LYRM4: variants seen among roughly 807,000 people sequenced by gnomAD.
The protein encoded by LYRM4 is LYR motif containing 4.
LYRM4 carries 9 observed loss-of-function variants against 11.7 expected under a neutral mutation model. The observed-to-expected ratio is 0.77, with a 90% CI of 0.46 to 1.34. The LOEUF is 1.34. Ranked by LOEUF, LYRM4 falls within the 40% of genes most tolerant of loss-of-function variation. The pLI, the probability that LYRM4 is intolerant of heterozygous loss-of-function variation, is 0.00. For synonymous variants in LYRM4, 42 were observed against 40.4 expected (o/e 1.04, Z -0.15); for missense variants, 133 against 112.5 (o/e 1.18, Z -0.82).
chr6:5,181,391 G>A lies in LYRM4; in HGVS notation c.207+35227C>T, dbSNP rs77225992. 6.0e-3 allele frequency among the ~76,000 whole-genome samples: 911 copies of A among 152,220 alleles called. 11 individuals are homozygous for A. Among genetic ancestry groups the A allele is most frequent in the South Asian group, 0.044 (210 of 4,824 alleles). On this transcript the variant is annotated intron_variant, in intron 2 of 2. Transcript: ENST00000330636. ...ATGGTTTTCTACCCTGTATTGTGTC[G>A]TCAATGATTTCTTTTGCATTGGCTT... is the stretch of plus-strand genomic sequence containing the variant.
intron 1 of LYRM4, among the ~76,000 whole-genome samples, chr6:5,229,685 T>A (rs1195618077): frequency 6.6e-6 from 1 of 152,214 alleles, no homozygotes; most frequent in African/African-American, 2.4e-5. Flanking sequence ...TTGAGATAAA[T>A]ATGAAATTTA....
chr6:5,085,288 C>G, the LYRM4 span: 4 of 518,532 alleles, frequency 7.7e-6, no homozygotes, highest in Non-Finnish European at 1.3e-5. Context: ...ATCCTCCTCC[C>G]ACTTCGCCCT....
intron 2 of LYRM4, among the ~76,000 whole-genome samples, chr6:5,122,213 G>A (rs909654093): frequency 1.3e-5 from 2 of 152,108 alleles, no homozygotes; most frequent in East Asian, 1.9e-4. Flanking sequence ...ACCTTCATCC[G>A]GTGATGACTG....
chr6:5,138,805 G>T, intron 2 of LYRM4: 3 of 1,259,242 alleles, frequency 2.4e-6, no homozygotes, highest in Non-Finnish European at 3.3e-6. Context: ...AGAGTTCTTT[G>T]GGATTTCAAA....
rs537387766 is a variant in LYRM4 at position 5,219,055 on chromosome 6, T to C, written c.87-2317A>G. Among the ~76,000 whole-genome samples, 6 of 152,376 alleles carry C rather than the reference T, an allele frequency of 3.9e-5. No individual in the cohort carries two copies. The East Asian group carries it at 1.2e-3, about 29-fold the overall frequency. Reference sequence around the variant, plus strand: ...ATTTACCTCCAGGAATCATCTATTGTTTAAATTTTTCATTTCGTATGCTGC... The same window carrying C: ...ATTTACCTCCAGGAATCATCTATTGCTTAAATTTTTCATTTCGTATGCTGC... On this transcript the variant is annotated intron_variant, in intron 1 of 2. Transcript: ENST00000330636.
chr6:5,096,712 G>C, the LYRM4 span, among the ~76,000 whole-genome samples: 2 of 152,204 alleles, frequency 1.3e-5, no homozygotes, highest in Non-Finnish European at 2.9e-5. Context: ...AATAGGGGCG[G>C]TAACTCCTGC....
chr6:5,098,937 G>A (rs929757147), downstream of LYRM4, among the ~76,000 whole-genome samples: 14 of 152,106 alleles, frequency 9.2e-5, no homozygotes, highest in Non-Finnish European at 1.5e-4. Context: ...TCTGGTTGCC[G>A]AGAGGACTTT....
intron 1 of LYRM4, among the ~76,000 whole-genome samples, chr6:5,260,436 C>A (rs114006607): frequency 1.2e-4 from 19 of 152,360 alleles, no homozygotes; most frequent in African/African-American, 3.8e-4. Context: ...ATGAACGTCT[C>A]CCCTGGTAGA....
chr6:5,100,637 G>A (rs1380632967), downstream of LYRM4, among the ~76,000 whole-genome samples: 1 of 152,182 alleles, frequency 6.6e-6, no homozygotes, highest in Non-Finnish European at 1.5e-5. Context: ...CCTGTTGTGA[G>A]GGATCAAAAG....
chr6:5,178,201 C>T (rs1421729428), intron 2 of LYRM4, among the ~76,000 whole-genome samples: 3 of 152,134 alleles, frequency 2.0e-5, no homozygotes, highest in African/African-American at 7.2e-5. Flanking sequence ...TTGGCAGTTG[C>T]ATCCTTTGAG....
At chr6:5,242,479 G>T (rs943955873) in intron 1 of LYRM4, among the ~76,000 whole-genome samples, 1 of 151,500 alleles carries the variant, frequency 6.6e-6, no homozygotes, top group Non-Finnish European at 1.5e-5. Context: ...CAGCACTTTG[G>T]GGGGCCGAGG....
chr6:5,193,951 C>T (rs1760905236), intron 2 of LYRM4, among the ~76,000 whole-genome samples: 1 of 151,448 alleles, frequency 6.6e-6, no homozygotes, highest in African/African-American at 2.4e-5. Context: ...ATTTCAGCTG[C>T]TTTAAAAGAA....
chr6:5,183,328 A>G (rs1760189273), intron 2 of LYRM4, among the ~76,000 whole-genome samples: 1 of 152,180 alleles, frequency 6.6e-6, no homozygotes. Flanking sequence ...AAATCATCTT[A>G]AATACTTAAA....
chr6:5,083,634 A>G, the LYRM4 span, among the ~76,000 whole-genome samples: 1 of 152,218 alleles, frequency 6.6e-6, no homozygotes, highest in Non-Finnish European at 1.5e-5. Context: ...TGTAGGCAGG[A>G]ATGATGTGAT....
rs1403517199 is a variant in LYRM4 at position 5,120,315 on chromosome 6, CAT to C, written c.208-10826_208-10825del. 2.6e-5 allele frequency among the ~76,000 whole-genome samples: 4 copies of C among 152,194 alleles called. No homozygotes were observed. The East Asian group carries it at 7.7e-4, about 29-fold the overall frequency. ...AATGAGTCCTTTTTGAATGGGCACACATGTTAAGGCAGAGGTTCCTATTGAGG... is the reference window on the plus strand; with the variant it reads ...AATGAGTCCTTTTTGAATGGGCACACGTTAAGGCAGAGGTTCCTATTGAGG... On this transcript the variant is annotated intron_variant, in intron 2 of 2. Coordinates refer to ENST00000330636, the MANE Select transcript of LYRM4 (RefSeq NM_020408.6).
At chr6:5,225,247 C>CAAAAAA (rs35803077) in intron 1 of LYRM4, among the ~76,000 whole-genome samples, 8 of 76,894 alleles carry the variant, frequency 1.0e-4, no homozygotes, top group Non-Finnish European at 1.5e-4. Context: ...GACTCCGAAT[C>CAAAAAA]AAAAAAAAAA....
chr6:5,079,402 T>C, the LYRM4 span, among the ~76,000 whole-genome samples: 4 of 152,244 alleles, frequency 2.6e-5, no homozygotes, highest in African/African-American at 9.6e-5. Context: ...TTATAGAATA[T>C]TTATGTCCTG....
At chr6:5,255,414 T>A (rs1268646661) in intron 1 of LYRM4, among the ~76,000 whole-genome samples, 2 of 152,140 alleles carry the variant, frequency 1.3e-5, no homozygotes, top group Non-Finnish European at 2.9e-5. Context: ...ATCTGCTGAT[T>A]TAGGGGGAGG....
chr6:5,050,488 G>A, the LYRM4 span, among the ~76,000 whole-genome samples: 1 of 152,222 alleles, frequency 6.6e-6, no homozygotes, highest in East Asian at 1.9e-4. Flanking sequence ...GCAACTTCCA[G>A]GGGAATTAAA....
Sources: allele counts gnomAD v4.1 joint callset (sites outside exome capture counted in the v4.1 genomes callset), GRCh38; gene constraint gnomAD v4.1.1; transcripts MANE v1.5; gene names NCBI Gene and HGNC (gene_info 2026-07-23, HGNC 2026-07-21).